The following JCAD variants were observed in gnomAD, a reference collection of about 807,000 sequenced individuals.
The protein encoded by JCAD is junctional cadherin 5 associated.
Under a neutral mutation model 98.0 loss-of-function variants are expected in JCAD, and 40 were observed. The observed-to-expected ratio is 0.41, with a 90% CI of 0.32 to 0.53. JCAD has a LOEUF of 0.53. Ranked by LOEUF, JCAD falls within the 20% of genes least tolerant of loss-of-function variation. The pLI, the probability that JCAD is intolerant of heterozygous loss-of-function variation, is 0.31. For missense variants in JCAD, 1,705 were observed against 1,738.1 expected (o/e 0.98, Z 0.34); for synonymous variants, 691 against 682.3 (o/e 1.01, Z -0.20).
rs1836536440 is a variant in JCAD at position 30,016,411 on chromosome 10, AGGGAGG to A, written c.*1466_*1471del. 1.5e-5 allele frequency: 1 copy of A among 64,944 alleles called. No individual in the cohort carries two copies. The highest frequency in any genetic ancestry group is 5.3e-5 in the African/African-American group (1 of 18,902). 4.0% of individuals were successfully genotyped at this position (64,944 alleles called of 1,614,324 possible). On this transcript the variant is annotated 3_prime_UTR_variant, in exon 4 of 4. Coordinates refer to ENST00000375377, the MANE Select transcript of JCAD (RefSeq NM_020848.4). ...AAGGAAGAAAGGAAGGGAGGGAGGG[AGGGAGG>A]GAGGGGAAATGATTTAGGGAATGTT...
intron 2 of JCAD, among the ~76,000 whole-genome samples, chr10:30,030,337 A>G (rs1247768440): frequency 6.6e-6 from 1 of 152,184 alleles, no homozygotes; most frequent in Non-Finnish European, 1.5e-5. Flanking sequence ...GCAACTCCAG[A>G]GGATGAGGTA....
intron 1 of JCAD, among the ~76,000 whole-genome samples, chr10:30,114,583 A>T (rs1223671357): frequency 2.5e-5 from 2 of 80,630 alleles, no homozygotes; most frequent in Non-Finnish European, 6.7e-5. Context: ...ACAATTAAAA[A>T]AAAAAAAAAA....
intron 1 of JCAD, among the ~76,000 whole-genome samples, chr10:30,086,757 G>A (rs1471300309): frequency 6.6e-6 from 1 of 152,222 alleles, no homozygotes; most frequent in African/African-American, 2.4e-5. Flanking sequence ...TTTCCAATCT[G>A]ATGCATGTGA....
chr10:30,029,014 C>T lies in JCAD; in HGVS notation c.1134G>A (p.Glu378=). 1.2e-6 allele frequency: 2 copies of T among 1,614,088 alleles called. No homozygotes were observed. Among genetic ancestry groups the T allele is most frequent in the Non-Finnish European group, 1.7e-6 (2 of 1,180,028 alleles). The change falls in exon 3 of 4, where the codon GAG becomes GAA. Residue 378 remains glutamate (E), a synonymous_variant. Coordinates refer to ENST00000375377, the MANE Select transcript of JCAD (RefSeq NM_020848.4). ...GGHSQQQSPT[E]KAGASGQPPS... is the part of the protein sequence containing the mutation. ...GAGGCTGACCGCTGGCCCCAGCCTTCTCGGTCGGAGACTGCTGTTGACTGT... is the reference window on the plus strand; with the variant it reads ...GAGGCTGACCGCTGGCCCCAGCCTTTTCGGTCGGAGACTGCTGTTGACTGT...
intron 1 of JCAD, among the ~76,000 whole-genome samples, chr10:30,097,287 G>T (rs1416505576): frequency 1.3e-5 from 2 of 152,140 alleles, no homozygotes; most frequent in African/African-American, 4.8e-5. Context: ...ACAGATACCA[G>T]CTGGTGCTTA....
intron 1 of JCAD, among the ~76,000 whole-genome samples, chr10:30,086,339 G>A (rs906857784): frequency 6.6e-5 from 10 of 152,190 alleles, no homozygotes; most frequent in Admixed American, 6.5e-4. Flanking sequence ...CCCAAAGGGA[G>A]CATTCACTGA....
intron 2 of JCAD, among the ~76,000 whole-genome samples, chr10:30,035,623 C>A (rs1837091533): frequency 6.6e-6 from 1 of 152,114 alleles, no homozygotes; most frequent in South Asian, 2.1e-4. Context: ...GGTTTCAAAG[C>A]CAAAAATATA....
exon 1 of JCAD, chr10:30,115,427 CG>C (rs1230682110): frequency 6.6e-6 from 1 of 152,220 alleles, no homozygotes; most frequent in Non-Finnish European, 1.5e-5. Context: ...AAAAGCCCCT[CG>C]GATGCTCTGC....
chr10:30,063,599 A>G (rs1837735765), upstream of JCAD, among the ~76,000 whole-genome samples: 1 of 152,066 alleles, frequency 6.6e-6, no homozygotes, highest in Non-Finnish European at 1.5e-5. Flanking sequence ...TAAAAGATTA[A>G]CGCTCTTTTA....
intron 2 of JCAD, 23 bp downstream of exon 2, chr10:30,047,509 G>T (rs370604463): frequency 1.3e-6 from 2 of 1,594,604 alleles, no homozygotes; most frequent in South Asian, 2.2e-5. Flanking sequence ...AAAAGAAAAC[G>T]GTGGGTTCAC....
At chr10:30,099,461 T>A (rs1275189779) in intron 1 of JCAD, among the ~76,000 whole-genome samples, 1 of 152,126 alleles carries the variant, frequency 6.6e-6, no homozygotes, top group Non-Finnish European at 1.5e-5. Flanking sequence ...AATTTCTTGA[T>A]ATAAATAACT....
rs746405006 is a variant in JCAD at position 30,029,711 on chromosome 10, G to C, written c.437C>G (p.Pro146Arg). ...ARGMAQAHSLPVHVREGPWEV... is the reference protein window; with the variant it reads ...ARGMAQAHSLRVHVREGPWEV... ...CCATGGACCCTCCCTCACGTGGACA[G>C]GCAGGCTGTGGGCTTGGGCCATTCC... is the stretch of plus-strand genomic sequence containing the variant. The change falls in exon 3 of 4, where the codon CCT (proline) becomes CGT (arginine). Residue 146 changes from proline (P) to arginine (R), a missense_variant. This residue lies in a region of JCAD where 275 missense variants were observed against 346.9 expected (regional missense o/e 0.79). Coordinates refer to ENST00000375377, the MANE Select transcript of JCAD (RefSeq NM_020848.4). The C allele has an allele frequency of 3.1e-6, 5 of 1,614,120 alleles. No individual in the cohort carries two copies. Among genetic ancestry groups the C allele is most frequent in the Non-Finnish European group, 4.2e-6 (5 of 1,180,052 alleles).
chr10:30,073,921 G>T (rs1837938347), intron 1 of JCAD, among the ~76,000 whole-genome samples: 1 of 152,128 alleles, frequency 6.6e-6, no homozygotes, highest in Non-Finnish European at 1.5e-5. Context: ...GATAGCACAA[G>T]ACTGCGAGAT....
Position 30,027,759 on chromosome 10 carries a change from G to A in JCAD, c.2389C>T (p.Pro797Ser). ...TCCCCCTTCACCACCTCCCGCTTAG[G>A]CCCAGGGTGGGCTCCAAGCCCGTGG... is the stretch of plus-strand genomic sequence containing the variant. ...DVHGLGAHPG[P>S]KREVVKGEPT... is the part of the protein sequence containing the mutation. The change falls in exon 3 of 4, where the codon CCT becomes TCT. Residue 797 changes from proline to serine, a missense_variant. This residue lies in a region of JCAD where 1,278 missense variants were observed against 1,243.1 expected (regional missense o/e 1.03). Transcript: ENST00000375377. 2 of 1,614,200 alleles carry A rather than the reference G, an allele frequency of 1.2e-6. No individual in the cohort carries two copies. The highest frequency in any genetic ancestry group is 1.7e-6 in the Non-Finnish European group (2 of 1,180,034).
chr10:30,083,457 G>A (rs1838119123), intron 1 of JCAD, among the ~76,000 whole-genome samples: 1 of 152,150 alleles, frequency 6.6e-6, no homozygotes, highest in Non-Finnish European at 1.5e-5. Context: ...TTTGATAAAA[G>A]ATCTTTAAAC....
chr10:30,029,800 C>A lies in JCAD; in HGVS notation c.348G>T (p.Arg116=). 6.2e-7 allele frequency: 1 copy of A among 1,614,216 alleles called. No individual in the cohort carries two copies. Among genetic ancestry groups the A allele is most frequent in the South Asian group, 1.1e-5 (1 of 91,082 alleles). ...TCCTGGCTTCTTGCCGTCCTCTTCT[C>A]CGGTAGGCTTGGTCGTTACCAGTCG... The part of the protein sequence containing the change: ...HPPTGNDQAY[R]RRGRQEARSQ... Residue 116 remains arginine, a synonymous_variant, in exon 3 of 4, where the codon CGG becomes CGT. Transcript: ENST00000375377.
At chr10:30,050,937 C>T (rs1253103703) in intron 1 of JCAD, among the ~76,000 whole-genome samples, 2 of 152,156 alleles carry the variant, frequency 1.3e-5, no homozygotes, top group Non-Finnish European at 2.9e-5. Flanking sequence ...AACTTCTCGA[C>T]GTAGACAGGA....
chr10:30,020,326 C>CAAAAAAAAAAAAAA (rs59762991), intron 3 of JCAD, among the ~76,000 whole-genome samples: 4 of 83,060 alleles, frequency 4.8e-5, no homozygotes, highest in African/African-American at 8.7e-5. Flanking sequence ...GACTCGGTCT[C>CAAAAAAAAAAAAAA]AAAAAAAAAA....
rs34213034 is a variant in JCAD, at chr10:30,031,438, A to ATT, written c.282-1574_282-1573dup. On this transcript the variant is annotated intron_variant, in intron 2 of 3. Coordinates refer to ENST00000375377, the MANE Select transcript of JCAD (RefSeq NM_020848.4). ...GAAGCACCATGCCTGGCCCATCTGT[A>ATT]TTTTTTTTTTTTTTTTTTTTTTTGA... Among the ~76,000 whole-genome samples, 876 of 96,822 alleles carry ATT rather than the reference A, an allele frequency of 9.0e-3. 2 individuals carry two copies. The highest frequency in any genetic ancestry group is 0.012 in the Non-Finnish European group (582 of 49,376). The allele number at this position is 96,822 out of a possible 152,430, so 63.5% of individuals were successfully genotyped here. A position where few individuals can be genotyped will look rare whatever the true frequency, so the allele number is the denominator to read the frequency against.
Sources: gnomAD v4.1 joint callset for allele counts (sites outside exome capture counted in the v4.1 genomes callset) on GRCh38, gnomAD v4.1.1 for gene constraint, gnomAD v4.1.1 regional missense constraint, MANE v1.5 for transcripts, NCBI Gene and HGNC (gene_info 2026-07-23, HGNC 2026-07-21) for gene names.